DVL3: variants seen among roughly 807,000 people sequenced by gnomAD.
The protein encoded by DVL3 is dishevelled segment polarity protein 3, also known as segment polarity protein dishevelled homolog DVL-3.
In DVL3, 27 loss-of-function variants were observed where a neutral mutation model predicts 67.4. That is an observed-to-expected ratio of 0.40 (90% confidence interval 0.30 to 0.55). The LOEUF (loss-of-function observed/expected upper bound fraction) is 0.55. Ranked by LOEUF, DVL3 falls within the 20% of genes least tolerant of loss-of-function variation. DVL3 has a pLI of 0.46. For synonymous variants in DVL3, 369 were observed against 396.8 expected (o/e 0.93, Z 0.83); for missense variants, 819 against 1,021.5 (o/e 0.80, Z 2.70).
At position 184,170,005 on chromosome 3, in the gene DVL3, G is replaced by T. The variant is rs1402465723; in HGVS notation, c.1499-1G>T. 4.4e-6 allele frequency: 7 copies of T among 1,601,074 alleles called. No individual in the cohort carries two copies. Among genetic ancestry groups the T allele is most frequent in the East Asian group, 2.2e-5 (1 of 44,600 alleles). ...GCTCCATCCGGCCCTCCCCTTCACA[G>T]ACATGGCCAACCTGTCTCTCCACGA... On this transcript the variant is annotated splice_acceptor_variant, in intron 13 of 14. Coordinates refer to ENST00000313143, the MANE Select transcript of DVL3 (RefSeq NM_004423.4). LOFTEE classifies it high-confidence loss of function. This position sits in a 1 kb window ranked among gnomAD's most constrained non-coding sequence, Gnocchi z 6.5.
rs545526196 is a variant in DVL3 at position 184,172,012 on chromosome 3, C to T, written c.*1257C>T. Reference sequence around the variant, plus strand: ...ACACCCTTCTCCCCTTCCTGGTAGACCTTAAACCTCGCACACATGTCCCCA... The same window carrying T: ...ACACCCTTCTCCCCTTCCTGGTAGATCTTAAACCTCGCACACATGTCCCCA... On this transcript the variant is annotated 3_prime_UTR_variant, in exon 15 of 15. Transcript: ENST00000313143. 1 of 153,044 alleles carries T rather than the reference C, an allele frequency of 6.5e-6. No individual in the cohort carries two copies. Among genetic ancestry groups the T allele is most frequent in the South Asian group, 2.1e-4 (1 of 4,834 alleles). The allele number at this position is 153,044 out of a possible 1,614,324, so 9.5% of individuals were successfully genotyped here. A position where few individuals can be genotyped will look rare whatever the true frequency, so the allele number is the denominator to read the frequency against.
At chr3:184,160,085 G>A (rs1714329549) in intron 1 of DVL3, among the ~76,000 whole-genome samples, 1 of 148,956 alleles carries the variant, frequency 6.7e-6, no homozygotes, top group Non-Finnish European at 1.5e-5. Context: ...GACTACAGGT[G>A]CCCGCCACCA....
chr3:184,171,031 CT>C lies in DVL3; in HGVS notation c.*278del, dbSNP rs2109024389. 1.4e-6 allele frequency: 2 copies of C among 1,388,106 alleles called. No individual in the cohort carries two copies. Among genetic ancestry groups the C allele is most frequent in the Admixed American group, 5.2e-5 (2 of 38,754 alleles). 86.0% of individuals were successfully genotyped at this position (1,388,106 alleles called of 1,614,324 possible). A position where few individuals can be genotyped will look rare whatever the true frequency, so the allele number is the denominator to read the frequency against. On this transcript the variant is annotated 3_prime_UTR_variant, in exon 15 of 15. Transcript: ENST00000313143. Reference sequence around the variant, plus strand: ...GACCCCTTTTGTCTCTGGGACCAGACTTGTTGGTGCTACCCCTTACTCCCCT... The same window carrying C: ...GACCCCTTTTGTCTCTGGGACCAGACTGTTGGTGCTACCCCTTACTCCCCT...
At position 184,163,590 on chromosome 3, in the gene DVL3, G is replaced by A. The variant is rs1305971662; in HGVS notation, c.162-67G>A. ...GTTTAGGATGGAGGAGCCCCTGAGA[G>A]TTGGGATTTGAGGATCCTCCATTTG... On this transcript the variant is annotated intron_variant, in intron 1 of 14. Transcript: ENST00000313143. This position sits in a 1 kb window ranked among gnomAD's most constrained non-coding sequence, Gnocchi z 4.5. 15 of 1,365,476 alleles carry A rather than the reference G, an allele frequency of 1.1e-5. No individual in the cohort carries two copies. The Admixed American group carries it at 2.0e-4, about 18-fold the overall frequency. The allele number at this position is 1,365,476 out of a possible 1,614,324, so 84.6% of individuals were successfully genotyped here.
Position 184,166,245 on chromosome 3 carries a change from C to G in DVL3, c.883C>G (p.Pro295Ala). 1.2e-6 allele frequency: 2 copies of G among 1,612,808 alleles called. No homozygotes were observed. The highest frequency in any genetic ancestry group is 1.7e-6 in the Non-Finnish European group (2 of 1,179,664). The change falls in exon 8 of 15, where the codon CCA (proline) becomes GCA (alanine). Residue 295 changes from proline to alanine, a missense_variant. Pro to Ala is a conservative substitution (Grantham distance 27). Around this residue, in one of 3 missense-constraint regions of DVL3, gnomAD observed 385 missense variants for 486.8 expected, o/e 0.79. Transcript: ENST00000313143. The surrounding 1 kb of genome is among the most constrained non-coding windows in gnomAD (Gnocchi z 6.7). The part of the protein sequence containing the change: ...GAVAADGRIE[P>A]GDMLLQVNEI... ...CGTGGCTGCTGATGGACGCATCGAG[C>G]CAGGAGATATGTTGTTACAGGTATC...
In DVL3 at chr3:184,164,618, A is replaced by G. The variant is rs1279717156; in HGVS notation, c.463+17A>G. The G allele has an allele frequency of 5.2e-6, 8 of 1,548,586 alleles. No homozygotes were observed. The highest frequency in any genetic ancestry group is 7.0e-6 in the Non-Finnish European group (8 of 1,145,800). On this transcript the variant is annotated intron_variant, in intron 4 of 14. Transcript: ENST00000313143. This position sits in a 1 kb window ranked among gnomAD's most constrained non-coding sequence, Gnocchi z 5.3. ...CAGAGCATGGTATATCTTCCTGAAC[A>G]CGGACACTGTCCGCACCTCACACCC...
intron 1 of DVL3, chr3:184,156,270 C>T (rs1365865612): frequency 1.5e-5 from 7 of 454,910 alleles, no homozygotes; most frequent in Non-Finnish European, 2.6e-5. Context: ...CATCTGAGGG[C>T]TCTGCTGGGA....
chr3:184,157,419 A>G (rs1157946092), intron 1 of DVL3, among the ~76,000 whole-genome samples: 1 of 152,106 alleles, frequency 6.6e-6, no homozygotes, highest in East Asian at 1.9e-4. Flanking sequence ...TCCACCCTGT[A>G]CTTATCTCCA....
In DVL3 at chr3:184,166,952, C is replaced by T. The variant is rs1424851892; in HGVS notation, c.1175C>T (p.Thr392Ile). 1 of 1,614,144 alleles carries T rather than the reference C, an allele frequency of 6.2e-7. No homozygotes were observed. The highest frequency in any genetic ancestry group is 1.3e-5 in the African/African-American group (1 of 75,040). ...STITSTSSSI[T>I]SSIPDTERLD... ...ATCACCTCCACCAGCTCCTCCATCACCAGTTCCATCCCTGACACAGAGCGT... is the reference window on the plus strand; with the variant it reads ...ATCACCTCCACCAGCTCCTCCATCATCAGTTCCATCCCTGACACAGAGCGT... The change falls in exon 11 of 15, where the codon ACC (threonine) becomes ATC (isoleucine). Residue 392 changes from threonine (T) to isoleucine (I), a missense_variant. By Grantham distance (89) the Thr-to-Ile change is moderately conservative (BLOSUM62 -1). This residue lies in a region of DVL3 where 110 missense variants were observed against 203.4 expected (regional missense o/e 0.54). Transcript: ENST00000313143. This position sits in a 1 kb window ranked among gnomAD's most constrained non-coding sequence, Gnocchi z 6.7.
intron 1 of DVL3, among the ~76,000 whole-genome samples, chr3:184,160,980 C>T (rs377730516): frequency 1.1e-3 from 169 of 152,264 alleles, no homozygotes; most frequent in African/African-American, 3.7e-3. Context: ...GGCTGCTTTC[C>T]GAGGGTCGCT....
At position 184,171,466 on chromosome 3, in the gene DVL3, A is replaced by G; in HGVS notation, c.*711A>G. 1 of 986,090 alleles carries G rather than the reference A, an allele frequency of 1.0e-6. No homozygotes were observed. The highest frequency in any genetic ancestry group is 1.2e-6 in the Non-Finnish European group (1 of 830,230). The allele number at this position is 986,090 out of a possible 1,614,324, so 61.1% of individuals were successfully genotyped here. A position where few individuals can be genotyped will look rare whatever the true frequency, so the allele number is the denominator to read the frequency against. ...CTGCCCTGCGTGCTGGTTCCTTCAG[A>G]CCCCTAACCCTACTAACCAGCAGGC... is the stretch of plus-strand genomic sequence containing the variant. On this transcript the variant is annotated 3_prime_UTR_variant, in exon 15 of 15. Coordinates refer to ENST00000313143, the MANE Select transcript of DVL3 (RefSeq NM_004423.4).
chr3:184,170,411 A>G lies in DVL3; in HGVS notation c.1807A>G (p.Ser603Gly). 1 of 1,601,014 alleles carries G rather than the reference A, an allele frequency of 6.2e-7. No homozygotes were observed. The highest frequency in any genetic ancestry group is 8.5e-7 in the Non-Finnish European group (1 of 1,174,098). Reference sequence around the variant, plus strand: ...GGACTCCAAGTCCGGGGGCAGCGGCAGCGAATCGGACCACACCACACGCAG... The same window carrying G: ...GGACTCCAAGTCCGGGGGCAGCGGCGGCGAATCGGACCACACCACACGCAG... ...AGDSKSGGSG[S>G]ESDHTTRSSL... The change falls in exon 15 of 15, where the codon AGC (serine) becomes GGC (glycine). Residue 603 changes from serine (S) to glycine (G), a missense_variant. By Grantham distance (56) the Ser-to-Gly change is moderately conservative. Coordinates refer to ENST00000313143, the MANE Select transcript of DVL3 (RefSeq NM_004423.4). This position sits in a 1 kb window ranked among gnomAD's most constrained non-coding sequence, Gnocchi z 6.5.
At chr3:184,157,072 G>A (rs1714224771) in intron 1 of DVL3, 2 of 156,402 alleles carry the variant, frequency 1.3e-5, no homozygotes, top group South Asian at 3.8e-4. Context: ...AATCATGTGT[G>A]TGAGAGTGCT....
At position 184,171,673 on chromosome 3, in the gene DVL3, G is replaced by C; in HGVS notation, c.*918G>C. 6 of 882,314 alleles carry C rather than the reference G, an allele frequency of 6.8e-6. No individual in the cohort carries two copies. The highest frequency in any genetic ancestry group is 8.2e-6 in the Non-Finnish European group (6 of 735,410). 54.7% of individuals were successfully genotyped at this position (882,314 alleles called of 1,614,324 possible). On this transcript the variant is annotated 3_prime_UTR_variant, in exon 15 of 15. Coordinates refer to ENST00000313143, the MANE Select transcript of DVL3 (RefSeq NM_004423.4). ...TCAGCAGCCCCTCAGGGCTTCCCAA[G>C]GATGTCCAGCCCCCACACCCACACG...
In DVL3 at chr3:184,165,514, C is replaced by G. The variant is rs375152660; in HGVS notation, c.763+23C>G. On this transcript the variant is annotated intron_variant, in intron 7 of 14. Coordinates refer to ENST00000313143, the MANE Select transcript of DVL3 (RefSeq NM_004423.4). This position sits in a 1 kb window ranked among gnomAD's most constrained non-coding sequence, Gnocchi z 4.1. The stretch of plus-strand genomic sequence containing the variant: ...TGGGTGAGTCTGAGGAAACAGCACT[C>G]TCAAGCACCTGCTATATGCCAGACA... 2.3e-4 allele frequency: 365 copies of G among 1,603,828 alleles called. No homozygotes were observed. The highest frequency in any genetic ancestry group is 3.0e-4 in the Non-Finnish European group (353 of 1,170,834).
chr3:184,166,120 C>G lies in DVL3; in HGVS notation c.764-6C>G. ...CCCCCTTAAGGTCTTAAATTACTCT[C>G]TATAGAAAAATATAACTTCTTGGGC... On this transcript the variant is annotated splice_polypyrimidine_tract_variant and splice_region_variant and intron_variant, in intron 7 of 14. Transcript: ENST00000313143. The surrounding 1 kb of genome is among the most constrained non-coding windows in gnomAD (Gnocchi z 6.7). The G allele has an allele frequency of 6.2e-7, 1 of 1,612,466 alleles. No individual in the cohort carries two copies. The highest frequency in any genetic ancestry group is 1.3e-5 in the African/African-American group (1 of 74,880).
chr3:184,170,503 C>T lies in DVL3; in HGVS notation c.1899C>T (p.Ser633=). The T allele has an allele frequency of 1.2e-6, 2 of 1,602,568 alleles. No homozygotes were observed. The highest frequency in any genetic ancestry group is 1.7e-6 in the Non-Finnish European group (2 of 1,174,714). ...CAGGGCCGGCGGCCAGCGAGCACAG[C>T]CACCGCAGCCACCATTCCCTGGCCA... is the stretch of plus-strand genomic sequence containing the variant. ...ERSGPAASEH[S]HRSHHSLASS... Residue 633 remains serine, a synonymous_variant, in exon 15 of 15, where the codon AGC becomes AGT. Coordinates refer to ENST00000313143, the MANE Select transcript of DVL3 (RefSeq NM_004423.4). The surrounding 1 kb of genome is among the most constrained non-coding windows in gnomAD (Gnocchi z 6.5).
rs1449215752 is a variant in DVL3, at chr3:184,171,781, C to T, written c.*1026C>T. On this transcript the variant is annotated 3_prime_UTR_variant, in exon 15 of 15. Coordinates refer to ENST00000313143, the MANE Select transcript of DVL3 (RefSeq NM_004423.4). ...GACTCTCCTCCTTTCCAGAGAGAAT[C>T]GGATCGCACCACGTGTGGCAGCCTG... 1.2e-4 allele frequency: 25 copies of T among 202,888 alleles called. No homozygotes were observed. The highest frequency in any genetic ancestry group is 1.7e-4 in the South Asian group (1 of 5,758). The allele number at this position is 202,888 out of a possible 1,614,324, so 12.6% of individuals were successfully genotyped here. A position where few individuals can be genotyped will look rare whatever the true frequency, so the allele number is the denominator to read the frequency against.
Position 184,164,847 on chromosome 3 carries a change from G to A in DVL3, c.515G>A (p.Gly172Asp). 3.7e-6 allele frequency: 6 copies of A among 1,614,188 alleles called. No individual in the cohort carries two copies. Among genetic ancestry groups the A allele is most frequent in the Middle Eastern group, 1.6e-4 (1 of 6,062 alleles). The stretch of plus-strand genomic sequence containing the variant: ...GGGGAACGGCGGCGAGAACCAGGGG[G>A]TTATGATAGCTCATCCACCCTTATG... Reference protein sequence around the residue: ...AKGERRREPGGYDSSSTLMSS... With the variant: ...AKGERRREPGDYDSSSTLMSS... Residue 172 changes from glycine (G) to aspartate (D), a missense_variant, in exon 5 of 15, where the codon GGT becomes GAT. This residue lies in a region of DVL3 where 385 missense variants were observed against 486.8 expected (regional missense o/e 0.79). Transcript: ENST00000313143. This position sits in a 1 kb window ranked among gnomAD's most constrained non-coding sequence, Gnocchi z 5.3.
Sources: allele counts gnomAD v4.1 joint callset (sites outside exome capture counted in the v4.1 genomes callset), GRCh38; gene constraint gnomAD v4.1.1; regional missense constraint gnomAD v4.1.1; non-coding constraint Gnocchi (gnomAD v3.1); transcripts MANE v1.5; gene names NCBI Gene and HGNC (gene_info 2026-07-23, HGNC 2026-07-21).